UNC13B: variants seen among roughly 807,000 people sequenced by gnomAD.
UNC13B encodes unc-13 homolog B, also known as protein unc-13 homolog B.
A neutral mutation model predicts 211.0 loss-of-function variants in UNC13B; 144 were observed. The observed-to-expected ratio is 0.68, with a 90% CI of 0.60 to 0.78. The LOEUF is 0.78. UNC13B is among the 30% of genes least tolerant of loss of function. UNC13B has a pLI of 0.00. For synonymous variants in UNC13B, 709 were observed against 725.8 expected (o/e 0.98, Z 0.37); for missense variants, 1,777 against 2,002.0 (o/e 0.89, Z 2.14).
chr9:35,365,390 T>C (rs999558306), intron 11 of UNC13B, among the ~76,000 whole-genome samples: 1 of 152,218 alleles, frequency 6.6e-6, no homozygotes, highest in Non-Finnish European at 1.5e-5. Context: ...TTGTTATCCC[T>C]TCTGAGCACA....
At chr9:35,378,230 T>C (rs1834571160) in intron 16 of UNC13B, 65 bp from the exon 17 acceptor site, 6 of 1,602,142 alleles carry the variant, frequency 3.7e-6, no homozygotes, top group South Asian at 1.1e-5. Context: ...ATGGAAAGCA[T>C]ATGAGTAGTG....
intron 11 of UNC13B, chr9:35,352,880 C>G (rs1832805792): frequency 8.1e-7 from 1 of 1,232,152 alleles, no homozygotes; most frequent in East Asian, 3.2e-5. Flanking sequence ...CAGCCAAAAA[C>G]ATGAAGCATG....
intron 7 of UNC13B, among the ~76,000 whole-genome samples, chr9:35,265,508 C>T (rs1587500928): frequency 6.6e-6 from 1 of 152,034 alleles, no homozygotes; most frequent in African/African-American, 2.4e-5. Flanking sequence ...GTTATGGCAG[C>T]CTGAGCAGAT....
At chr9:35,368,654 G>A (rs1047853754) in intron 12 of UNC13B, among the ~76,000 whole-genome samples, 20 of 150,814 alleles carry the variant, frequency 1.3e-4, no homozygotes, top group African/African-American at 4.9e-4. Flanking sequence ...CACAACGGTT[G>A]AACTAATTTA....
intron 11 of UNC13B, among the ~76,000 whole-genome samples, chr9:35,356,684 G>A (rs1833043961): frequency 6.6e-6 from 1 of 152,118 alleles, no homozygotes; most frequent in Admixed American, 6.5e-5. Flanking sequence ...TTTATTCATA[G>A]TTATGCAGAC....
chr9:35,275,851 C>T (rs1828146445), intron 7 of UNC13B, among the ~76,000 whole-genome samples: 1 of 152,112 alleles, frequency 6.6e-6, no homozygotes. Context: ...CCTCAGCCTC[C>T]CAAAATGCTG....
At chr9:35,283,765 A>C (rs2093274058) in intron 7 of UNC13B, among the ~76,000 whole-genome samples, 1 of 152,240 alleles carries the variant, frequency 6.6e-6, no homozygotes, top group Non-Finnish European at 1.5e-5. Flanking sequence ...TATTGGCCAC[A>C]TGAGAAGGTG....
intron 9 of UNC13B, among the ~76,000 whole-genome samples, chr9:35,308,875 C>G (rs1266244317): frequency 6.6e-6 from 1 of 152,152 alleles, no homozygotes; most frequent in Admixed American, 6.5e-5. Context: ...TTCTAAGATG[C>G]TTTCTCCAGT....
At chr9:35,349,018 A>G (rs139697411) in intron 11 of UNC13B, among the ~76,000 whole-genome samples, 4,373 of 152,128 alleles carry the variant, frequency 0.029, 219 homozygotes, top group African/African-American at 0.1. Context: ...CCTGGGTTCA[A>G]GTGATTCTCT....
At chr9:35,394,955 C>G (rs929080751) in intron 26 of UNC13B, among the ~76,000 whole-genome samples, 1 of 152,112 alleles carries the variant, frequency 6.6e-6, no homozygotes, top group Non-Finnish European at 1.5e-5. Flanking sequence ...TATGTAGAAA[C>G]AGTAACTTGA....
At chr9:35,190,640 A>G (rs563213768) in intron 1 of UNC13B, among the ~76,000 whole-genome samples, 2 of 152,222 alleles carry the variant, frequency 1.3e-5, no homozygotes, top group East Asian at 3.9e-4. Flanking sequence ...GGCCTGTCAT[A>G]TGTGCATTAA....
rs1232344506 is a variant in UNC13B, at chr9:35,300,777, C to T, written c.1373C>T (p.Thr458Ile). ...IEEPKEDRID[T>I]MDELQCLVET... ...GAGCCCAAGGAGGACCGTATTGATACAATGGATGAGCTTCAGTGTTTGGTA... is the reference window on the plus strand; with the variant it reads ...GAGCCCAAGGAGGACCGTATTGATATAATGGATGAGCTTCAGTGTTTGGTA... Residue 458 changes from threonine (T) to isoleucine (I), a missense_variant, in exon 9 of 40, where the codon ACA (threonine) becomes ATA (isoleucine). Transcript: ENST00000635942. 1 of 398,782 alleles carries T rather than the reference C, an allele frequency of 2.5e-6. No individual in the cohort carries two copies. The highest frequency in any genetic ancestry group is 4.4e-6 in the Non-Finnish European group (1 of 226,060). 24.7% of individuals were successfully genotyped at this position (398,782 alleles called of 1,614,324 possible). A position where few individuals can be genotyped will look rare whatever the true frequency, so the allele number is the denominator to read the frequency against.
intron 7 of UNC13B, among the ~76,000 whole-genome samples, chr9:35,289,621 C>T (rs924862047): frequency 3.3e-5 from 5 of 152,094 alleles, no homozygotes; most frequent in Admixed American, 1.3e-4. Flanking sequence ...TCTGTAATAA[C>T]TTTCTCAAGA....
intron 1 of UNC13B, among the ~76,000 whole-genome samples, chr9:35,204,023 G>T (rs1014020409): frequency 2.0e-5 from 3 of 152,260 alleles, no homozygotes; most frequent in Non-Finnish European, 2.9e-5. Flanking sequence ...CCAGGGCCTT[G>T]CTGCACTGCA....
chr9:35,229,490 A>G (rs1211201777), intron 2 of UNC13B, among the ~76,000 whole-genome samples: 1 of 152,056 alleles, frequency 6.6e-6, no homozygotes, highest in East Asian at 1.9e-4. Flanking sequence ...TTCAGCACCA[A>G]CCACCAATTG....
rs79172134 is a variant in UNC13B, at chr9:35,377,827, C to T, written c.10063+132C>T. ...AAGGAAATCACTGGGAAGGAAAGGC[C>T]TCTTTATTAATCACTTCTCCTTACC... On this transcript the variant is annotated intron_variant, in intron 16 of 39. Transcript: ENST00000635942. 7.3e-3 allele frequency: 7,049 copies of T among 961,670 alleles called. 344 individuals are homozygous for T. In the African/African-American group the frequency reaches 0.1, roughly 14 times the overall value. 59.6% of individuals were successfully genotyped at this position (961,670 alleles called of 1,614,324 possible).
chr9:35,311,986 G>C (rs1830202578), intron 10 of UNC13B, among the ~76,000 whole-genome samples: 1 of 152,204 alleles, frequency 6.6e-6, no homozygotes, highest in African/African-American at 2.4e-5. Context: ...TTTTGGGCCA[G>C]ATTATTCTTT....
At chr9:35,181,887 C>T (rs1008861026) in intron 1 of UNC13B, among the ~76,000 whole-genome samples, 1 of 152,040 alleles carries the variant, frequency 6.6e-6, no homozygotes, top group African/African-American at 2.4e-5. Context: ...ATCTGCCCAC[C>T]AAACTATCCT....
intron 1 of UNC13B, among the ~76,000 whole-genome samples, chr9:35,194,975 A>G (rs1250821731): frequency 1.3e-5 from 2 of 152,184 alleles, no homozygotes; most frequent in Non-Finnish European, 2.9e-5. Flanking sequence ...GCCGGATTTT[A>G]TAGTCTTAAG....
Sources: gnomAD v4.1 joint callset for allele counts (sites outside exome capture counted in the v4.1 genomes callset) on GRCh38, gnomAD v4.1.1 for gene constraint, MANE v1.5 for transcripts, NCBI Gene and HGNC (gene_info 2026-07-23, HGNC 2026-07-21) for gene names.